Variants in IL10RB observed in about 807,000 individuals in gnomAD.
IL10RB encodes the protein interleukin 10 receptor subunit beta, also known as interleukin-10 receptor subunit beta.
Under a neutral mutation model 38.7 loss-of-function variants are expected in IL10RB, and 30 were observed. The ratio of observed to expected loss-of-function variants is 0.78; its 90% CI spans 0.58 to 1.05. The LOEUF is 1.05. Among genes scored for constraint, IL10RB ranks in the 50% least tolerant of loss-of-function variants. IL10RB has a pLI of 0.00. For missense variants in IL10RB, 328 were observed against 397.1 expected (o/e 0.83, Z 1.48); for synonymous variants, 142 against 145.9 (o/e 0.97, Z 0.19).
At chr21:33,295,172 T>C (rs767411547) in intron 6 of IL10RB, among the ~76,000 whole-genome samples, 1 of 152,100 alleles carries the variant, frequency 6.6e-6, no homozygotes, top group Middle Eastern at 3.4e-3. Flanking sequence ...GAGACCATCC[T>C]AGCTAACGCT....
chr21:33,283,174 G>A lies in IL10RB; in HGVS notation c.579G>A (p.Gly193=). 1 of 1,614,022 alleles carries A rather than the reference G, an allele frequency of 6.2e-7. No individual in the cohort carries two copies. The highest frequency in any genetic ancestry group is 1.1e-5 in the South Asian group (1 of 91,076). Reference sequence around the variant, plus strand: ...CAACTTATTGTGTTCAAGTTCGAGGGTTTCTTCCTGATCGGAACAAAGCTG... The same window carrying A: ...CAACTTATTGTGTTCAAGTTCGAGGATTTCTTCCTGATCGGAACAAAGCTG... ...PWTTYCVQVR[G]FLPDRNKAGE... The change falls in exon 5 of 7, where the codon GGG becomes GGA. Residue 193 remains glycine (G), a synonymous_variant. Coordinates refer to ENST00000290200, the MANE Select transcript of IL10RB (RefSeq NM_000628.5).
chr21:33,293,270 G>A (rs926442128), intron 6 of IL10RB, among the ~76,000 whole-genome samples: 2 of 152,162 alleles, frequency 1.3e-5, no homozygotes, highest in Non-Finnish European at 2.9e-5. Context: ...CCTTGTCCCC[G>A]CACCACCAGT....
chr21:33,284,081 A>C (rs111688223), intron 5 of IL10RB, among the ~76,000 whole-genome samples: 72 of 152,282 alleles, frequency 4.7e-4, no homozygotes, highest in African/African-American at 1.7e-3. Flanking sequence ...GGATCACCTG[A>C]GGTCAGGAGT....
chr21:33,294,981 G>T (rs1211167436), intron 6 of IL10RB, among the ~76,000 whole-genome samples: 1 of 152,242 alleles, frequency 6.6e-6, no homozygotes, highest in Non-Finnish European at 1.5e-5. Flanking sequence ...AAGAGTTGGT[G>T]TCTATTAAAA....
At chr21:33,281,640 C>T (rs1023736151) in intron 4 of IL10RB, among the ~76,000 whole-genome samples, 25 of 152,224 alleles carry the variant, frequency 1.6e-4, no homozygotes, top group African/African-American at 1.4e-4. Context: ...TGGAAAGCAG[C>T]GGTGCGATCT....
chr21:33,298,123 G>T (rs533910236), downstream of IL10RB, among the ~76,000 whole-genome samples: 3 of 152,262 alleles, frequency 2.0e-5, no homozygotes, highest in East Asian at 5.8e-4. Context: ...CCACATTATG[G>T]AGGGTAATCT....
chr21:33,285,880 T>A (rs565778274), intron 5 of IL10RB, among the ~76,000 whole-genome samples: 31 of 152,308 alleles, frequency 2.0e-4, no homozygotes, highest in African/African-American at 7.0e-4. Context: ...GCCAGCTCAC[T>A]GCCGTATGAC....
chr21:33,279,002 A>G (rs947382964), intron 3 of IL10RB, among the ~76,000 whole-genome samples: 1 of 152,236 alleles, frequency 6.6e-6, no homozygotes, highest in African/African-American at 2.4e-5. Flanking sequence ...AAGCTACAAC[A>G]ATGAACGAGA....
rs1268367135 is a variant in IL10RB at position 33,287,252 on chromosome 21, G to A, written c.647-852G>A. On this transcript the variant is annotated intron_variant, in intron 5 of 6. Transcript: ENST00000290200. ...GAACAAATGGTAAGTTCCTTAGGCA[G>A]CCTTGGGTTTTTCCAGACAGGAATT... is the stretch of plus-strand genomic sequence containing the variant. Among the ~76,000 whole-genome samples the A allele has an allele frequency of 2.6e-5, 4 of 152,250 alleles. No individual in the cohort carries two copies. In the East Asian group the frequency reaches 7.7e-4, roughly 29 times the overall value.
At chr21:33,277,872 C>T (rs907282753) in intron 3 of IL10RB, among the ~76,000 whole-genome samples, 18 of 150,332 alleles carry the variant, frequency 1.2e-4, no homozygotes, top group African/African-American at 4.4e-4. Flanking sequence ...GGGGTCTCAC[C>T]ATGTTGGCCA....
At chr21:33,292,651 TCAAA>T (rs1989511824) in intron 6 of IL10RB, among the ~76,000 whole-genome samples, 1 of 151,910 alleles carries the variant, frequency 6.6e-6, no homozygotes, top group South Asian at 2.1e-4. Context: ...AGCTGCTTTT[TCAAA>T]CAGAGTACAA....
chr21:33,270,674 T>C (rs76287904), intron 2 of IL10RB, among the ~76,000 whole-genome samples: 1 of 129,916 alleles, frequency 7.7e-6, no homozygotes, highest in Non-Finnish European at 1.7e-5. Context: ...GCGCCCAGCC[T>C]TTTTTTTTTT....
chr21:33,309,870 G>C (rs1023503559), exon 2 of IL10RB: 3 of 152,168 alleles, frequency 2.0e-5, no homozygotes, highest in African/African-American at 7.2e-5. Flanking sequence ...GTTACCAACT[G>C]AATTGTGTAC....
intron 6 of IL10RB, among the ~76,000 whole-genome samples, chr21:33,291,790 C>A (rs1301200892): frequency 6.6e-6 from 1 of 152,168 alleles, no homozygotes; most frequent in Non-Finnish European, 1.5e-5. Flanking sequence ...GGTCAGTCTC[C>A]TCGGGGAATG....
At chr21:33,280,400 T>TG (rs1282382324) in intron 4 of IL10RB, among the ~76,000 whole-genome samples, 1 of 152,218 alleles carries the variant, frequency 6.6e-6, no homozygotes, top group African/African-American at 2.4e-5. Context: ...CATGTGCCAT[T>TG]GGTCACTTTC....
rs1989307693 is a variant in IL10RB, at chr21:33,283,054, C to T, written c.499-40C>T. 12 of 1,553,110 alleles carry T rather than the reference C, an allele frequency of 7.7e-6. No homozygotes were observed. The East Asian group carries it at 2.5e-4, about 32-fold the overall frequency. The stretch of plus-strand genomic sequence containing the variant: ...GAAAAAAAAAAAGGTGGTGCCCTTC[C>T]ACTGCTTAGTCATGTTCTTATTTTT... On this transcript the variant is annotated intron_variant, in intron 4 of 6. Transcript: ENST00000290200.
chr21:33,304,174 G>A (rs553651209), intron 1 of IL10RB, among the ~76,000 whole-genome samples: 1 of 152,344 alleles, frequency 6.6e-6, no homozygotes, highest in East Asian at 1.9e-4. Context: ...CCACGGCGGG[G>A]ACAGCACAGC....
chr21:33,292,476 G>A (rs1338808599), intron 6 of IL10RB, among the ~76,000 whole-genome samples: 1 of 152,072 alleles, frequency 6.6e-6, no homozygotes, highest in African/African-American at 2.4e-5. Flanking sequence ...AGGGGTAGAG[G>A]GGACAGGAGT....
Position 33,296,194 on chromosome 21 carries a change from A to G in IL10RB, c.815A>G (p.His272Arg). The G allele has an allele frequency of 6.2e-7, 1 of 1,613,992 alleles. No homozygotes were observed. The highest frequency in any genetic ancestry group is 8.5e-7 in the Non-Finnish European group (1 of 1,179,818). ...TCTTTCCCTCCACAGTTTTTGGGCC[A>G]TCCTCATCATAACACACTTCTGTTT... ...LPQHLKEFLG[H>R]PHHNTLLFFS... Residue 272 changes from histidine (H) to arginine (R), a missense_variant, in exon 7 of 7, where the codon CAT (histidine) becomes CGT (arginine). Coordinates refer to ENST00000290200, the MANE Select transcript of IL10RB (RefSeq NM_000628.5).
Sources: allele counts gnomAD v4.1 joint callset (sites outside exome capture counted in the v4.1 genomes callset), GRCh38; gene constraint gnomAD v4.1.1; transcripts MANE v1.5; gene names NCBI Gene and HGNC (gene_info 2026-07-23, HGNC 2026-07-21).